PTPRD: variants seen among roughly 807,000 people sequenced by gnomAD.
The protein encoded by PTPRD is protein tyrosine phosphatase receptor type D, also known as receptor-type tyrosine-protein phosphatase delta.
A neutral mutation model predicts 214.5 loss-of-function variants in PTPRD; 34 were observed. The ratio of observed to expected loss-of-function variants is 0.16; its 90% CI spans 0.12 to 0.21. PTPRD has a LOEUF of 0.21. PTPRD is among the 10% of genes least tolerant of loss of function. The pLI, the probability that PTPRD is intolerant of heterozygous loss-of-function variation, is 1.00. For missense variants in PTPRD, 2,545 were observed against 2,398.7 expected, an observed-to-expected ratio of 1.06 and a Z score of -1.27; for synonymous variants, 1,128 against 845.7, an observed-to-expected ratio of 1.33 and a Z score of -5.79.
intron 10 of PTPRD, among the ~76,000 whole-genome samples, chr9:9,025,042 G>A (rs956037087): frequency 4.0e-5 from 6 of 151,792 alleles, no homozygotes; most frequent in Non-Finnish European, 5.9e-5. Flanking sequence ...TCAGTTTATC[G>A]TTGTTTAGTC....
rs76939238 is a variant in PTPRD at position 8,414,196 on chromosome 9, TA to T, written c.4087-9537del. Among the ~76,000 whole-genome samples, 597 of 148,470 alleles carry T rather than the reference TA, an allele frequency of 4.0e-3. 5 individuals carry two copies. The highest frequency in any genetic ancestry group is 0.03 in the East Asian group (154 of 5,084). On this transcript the variant is annotated intron_variant, in intron 35 of 45. Coordinates refer to ENST00000381196, the MANE Select transcript of PTPRD (RefSeq NM_002839.4). ...TATATATTGGAATAGACCAGAGATATAAAAAAAAAAATTTAAATAAACAGAA... is the reference window on the plus strand; with the variant it reads ...TATATATTGGAATAGACCAGAGATATAAAAAAAAAATTTAAATAAACAGAA...
intron 12 of PTPRD, among the ~76,000 whole-genome samples, chr9:8,709,347 T>A (rs1036020582): frequency 6.6e-5 from 10 of 151,662 alleles, no homozygotes; most frequent in Admixed American, 2.6e-4. Context: ...ACCCTGTCTC[T>A]ACTAAAAAAT....
intron 7 of PTPRD, among the ~76,000 whole-genome samples, chr9:9,703,959 A>G (rs1289496193): frequency 6.6e-6 from 1 of 152,180 alleles, no homozygotes; most frequent in Non-Finnish European, 1.5e-5. Context: ...ACCACCACTC[A>G]CTGCAGCCCT....
chr9:9,810,916 A>G (rs2046937618), intron 5 of PTPRD, among the ~76,000 whole-genome samples: 1 of 151,646 alleles, frequency 6.6e-6, no homozygotes, highest in Non-Finnish European at 1.5e-5. Flanking sequence ...TTTGTGATTC[A>G]TGGGAGGAAG....
intron 11 of PTPRD, among the ~76,000 whole-genome samples, chr9:8,789,685 A>G (rs990089501): frequency 6.6e-6 from 1 of 152,200 alleles, no homozygotes; most frequent in Admixed American, 6.5e-5. Context: ...AAAAAAATCA[A>G]TTTAATGAGT....
intron 27 of PTPRD, among the ~76,000 whole-genome samples, chr9:8,489,796 A>G (rs2097112378): frequency 6.6e-6 from 1 of 152,214 alleles, no homozygotes; most frequent in Admixed American, 6.5e-5. Context: ...AACTCCACAG[A>G]TTGGCAATGG....
At position 9,687,502 on chromosome 9, in the gene PTPRD, C is replaced by T. The variant is rs561112908; in HGVS notation, c.-287+47031G>A. ...TATGTTTTCTCTAGTCCTCAGGAAACTGAAAAATATAGGGAGAGCATAGGG... is the reference window on the plus strand; with the variant it reads ...TATGTTTTCTCTAGTCCTCAGGAAATTGAAAAATATAGGGAGAGCATAGGG... On this transcript the variant is annotated intron_variant, in intron 7 of 45. Transcript: ENST00000381196. Among the ~76,000 whole-genome samples, 4 of 150,866 alleles carry T rather than the reference C, an allele frequency of 2.7e-5. No individual in the cohort carries two copies. The East Asian group carries it at 7.9e-4, about 30-fold the overall frequency.
At chr9:9,359,215 G>A (rs549739191) in intron 9 of PTPRD, among the ~76,000 whole-genome samples, 4 of 151,328 alleles carry the variant, frequency 2.6e-5, no homozygotes, top group Admixed American at 6.6e-5. Flanking sequence ...TAGAAGGTAA[G>A]CTTTTTAAAA....
At chr9:10,217,804 G>A (rs1313703894) in intron 3 of PTPRD, among the ~76,000 whole-genome samples, 1 of 151,886 alleles carries the variant, frequency 6.6e-6, no homozygotes, top group Non-Finnish European at 1.5e-5. Flanking sequence ...GGAAGGAGAT[G>A]CAAGGAGAAT....
intron 2 of PTPRD, among the ~76,000 whole-genome samples, chr9:10,571,855 C>T (rs2131984800): frequency 6.6e-6 from 1 of 152,218 alleles, no homozygotes; most frequent in African/African-American, 2.4e-5. Context: ...GAATTGAATG[C>T]CGCTGCTGAT....
At chr9:8,578,948 C>T (rs932174969) in intron 14 of PTPRD, among the ~76,000 whole-genome samples, 1 of 152,140 alleles carries the variant, frequency 6.6e-6, no homozygotes, top group African/African-American at 2.4e-5. Context: ...TGTCACTGAT[C>T]TCAATTTATA....
At chr9:9,916,294 C>G (rs1222643640) in intron 5 of PTPRD, among the ~76,000 whole-genome samples, 1 of 151,690 alleles carries the variant, frequency 6.6e-6, no homozygotes, top group Non-Finnish European at 1.5e-5. Flanking sequence ...AACTCAAATT[C>G]ACTGATACAC....
chr9:8,642,053 G>T (rs2096588585), intron 12 of PTPRD, among the ~76,000 whole-genome samples: 1 of 152,164 alleles, frequency 6.6e-6, no homozygotes, highest in African/African-American at 2.4e-5. Flanking sequence ...ATAAATCGGG[G>T]AGAGCCATTG....
At chr9:8,869,032 C>A (rs2098248119) in intron 11 of PTPRD, among the ~76,000 whole-genome samples, 1 of 152,086 alleles carries the variant, frequency 6.6e-6, no homozygotes, top group Non-Finnish European at 1.5e-5. Flanking sequence ...AAATTCCAAC[C>A]ACCCTACCTC....
intron 3 of PTPRD, among the ~76,000 whole-genome samples, chr9:10,165,439 A>G (rs1299045144): frequency 6.6e-6 from 1 of 151,830 alleles, no homozygotes; most frequent in Non-Finnish European, 1.5e-5. Context: ...AAAAGGTAGA[A>G]TAACATGCTG....
At chr9:8,497,477 T>G (rs961858864) in intron 25 of PTPRD, among the ~76,000 whole-genome samples, 2 of 152,178 alleles carry the variant, frequency 1.3e-5, no homozygotes, top group Non-Finnish European at 2.9e-5. Flanking sequence ...CTGTTATCAC[T>G]AAAACCAGCT....
In PTPRD at chr9:10,244,629, A is replaced by G. The variant is rs564593623; in HGVS notation, c.-545+96334T>C. On this transcript the variant is annotated intron_variant, in intron 3 of 45. Transcript: ENST00000381196. ...AATCATCCTACCATTCCTAAGATGAAAATAAAACATTATTTCATACCAGTT... is the reference window on the plus strand; with the variant it reads ...AATCATCCTACCATTCCTAAGATGAGAATAAAACATTATTTCATACCAGTT... Among the ~76,000 whole-genome samples, 8 of 152,274 alleles carry G rather than the reference A, an allele frequency of 5.3e-5. No individual in the cohort carries two copies. The East Asian group carries it at 1.4e-3, about 26-fold the overall frequency.
intron 11 of PTPRD, among the ~76,000 whole-genome samples, chr9:8,753,891 T>C (rs899983245): frequency 8.5e-5 from 13 of 152,198 alleles, no homozygotes; most frequent in African/African-American, 2.4e-4. Context: ...ACGCCTGTAA[T>C]CCCAGCACTT....
intron 5 of PTPRD, among the ~76,000 whole-genome samples, chr9:9,844,645 CA>C (rs2059072874): frequency 1.3e-5 from 2 of 151,834 alleles, no homozygotes; most frequent in African/African-American, 4.8e-5. Context: ...CGACAAATTA[CA>C]CCAATTAACA....
Sources: gnomAD v4.1 joint callset for allele counts (sites outside exome capture counted in the v4.1 genomes callset) on GRCh38, gnomAD v4.1.1 for gene constraint, MANE v1.5 for transcripts, NCBI Gene and HGNC (gene_info 2026-07-23, HGNC 2026-07-21) for gene names.